Variants in PKIB observed in about 807,000 individuals in gnomAD.
The protein encoded by PKIB is cAMP-dependent protein kinase inhibitor beta, also known as PKI-beta.
Under a neutral mutation model 4.5 loss-of-function variants are expected in PKIB, and 2 were observed. The ratio of observed to expected loss-of-function variants is 0.44; its 90% CI spans 0.18 to 1.39. The LOEUF is 1.39. PKIB is among the 40% of genes most tolerant of loss of function. The pLI, the probability that PKIB is intolerant of heterozygous loss-of-function variation, is 0.27. For synonymous variants in PKIB, 38 were observed against 36.0 expected, an observed-to-expected ratio of 1.06 and a Z score of -0.20; for missense variants, 94 against 92.6, an observed-to-expected ratio of 1.02 and a Z score of -0.06.
chr6:122,586,939 G>A (rs1283785725), intron 3 of PKIB, among the ~76,000 whole-genome samples: 1 of 152,144 alleles, frequency 6.6e-6, no homozygotes, highest in Non-Finnish European at 1.5e-5. Flanking sequence ...GTAGGAGGGA[G>A]CGATAACTTC....
chr6:122,698,424 C>T lies in PKIB; in HGVS notation c.-8-19363C>T, dbSNP rs181451391. Among the ~76,000 whole-genome samples the T allele has an allele frequency of 5.6e-4, 86 of 152,246 alleles. 2 individuals are homozygous for T. The East Asian group carries it at 0.015, about 27-fold the overall frequency. ...ATGGGGGTGCTGCTCCAATGCATTA[C>T]CAGGCATTGCAGTAGCTGGGTACAG... is the stretch of plus-strand genomic sequence containing the variant. On this transcript the variant is annotated intron_variant, in intron 3 of 4. Transcript: ENST00000368452.
In PKIB at chr6:122,725,158, A is replaced by C. The variant is rs1307032408; in HGVS notation, c.200A>C (p.Gln67Pro). 1 of 1,612,022 alleles carries C rather than the reference A, an allele frequency of 6.2e-7. No individual in the cohort carries two copies. The highest frequency in any genetic ancestry group is 1.1e-5 in the South Asian group (1 of 90,782). Reference protein sequence around the residue: ...DAKEKDEKTTQDQLEKPQNEE... With the variant: ...DAKEKDEKTTPDQLEKPQNEE... The stretch of plus-strand genomic sequence containing the variant: ...AAAGAGAAAGATGAAAAAACAACAC[A>C]AGACCAATTGGAAAAGCCTCAAAAT... Residue 67 changes from glutamine (Q) to proline (P), a missense_variant, in exon 5 of 5, where the codon CAA (glutamine) becomes CCA (proline). Transcript: ENST00000368452.
chr6:122,644,254 A>G (rs1286710059), intron 2 of PKIB: 1 of 152,192 alleles, frequency 6.6e-6, no homozygotes, highest in African/African-American at 2.4e-5. Flanking sequence ...GGTCCACCAC[A>G]TAGAATTTCT....
Position 122,650,847 on chromosome 6 carries a change from C to T in PKIB, c.-76+17480C>T, listed in dbSNP as rs74538041. Among the ~76,000 whole-genome samples the T allele has an allele frequency of 2.0e-5, 3 of 152,280 alleles. No homozygotes were observed. The East Asian group carries it at 5.8e-4, about 29-fold the overall frequency. ...TACTATTTCGATCTCCCTCTCTAGC[C>T]TTTGGATAACTTCCTCTTCAGTGTA... On this transcript the variant is annotated intron_variant, in intron 2 of 4. Transcript: ENST00000368452.
intron 2 of PKIB, among the ~76,000 whole-genome samples, chr6:122,548,020 A>C (rs1772557632): frequency 6.6e-6 from 1 of 152,078 alleles, no homozygotes; most frequent in Non-Finnish European, 1.5e-5. Flanking sequence ...TATACACATA[A>C]ACTTTGGGTA....
intron 3 of PKIB, chr6:122,701,426 C>A: frequency 6.4e-7 from 1 of 1,562,010 alleles, no homozygotes; most frequent in South Asian, 1.2e-5. Context: ...ACTGTTTTCT[C>A]ATTGCATTTA....
intron 2 of PKIB, among the ~76,000 whole-genome samples, chr6:122,487,497 G>C (rs1321784578): frequency 6.6e-6 from 1 of 152,078 alleles, no homozygotes; most frequent in African/African-American, 2.4e-5. Context: ...GGTTGTTAGG[G>C]GACAGCCTTC....
chr6:122,718,197 C>T (rs1184873741), intron 4 of PKIB, among the ~76,000 whole-genome samples: 3 of 152,146 alleles, frequency 2.0e-5, no homozygotes. Flanking sequence ...TTATTCATTG[C>T]ATGTGTATAG....
chr6:122,633,640 A>G (rs1008945884), intron 2 of PKIB, among the ~76,000 whole-genome samples: 2 of 152,056 alleles, frequency 1.3e-5, no homozygotes, highest in Non-Finnish European at 2.9e-5. Flanking sequence ...TGATATTTCC[A>G]CTCTTAGCTG....
intron 3 of PKIB, among the ~76,000 whole-genome samples, chr6:122,601,784 G>A (rs1382249977): frequency 6.6e-6 from 1 of 152,100 alleles, no homozygotes; most frequent in East Asian, 1.9e-4. Flanking sequence ...ATACAAAACT[G>A]TGTTAATCAA....
At chr6:122,649,233 A>G (rs1212741993) in intron 2 of PKIB, among the ~76,000 whole-genome samples, 1 of 152,174 alleles carries the variant, frequency 6.6e-6, no homozygotes, top group Non-Finnish European at 1.5e-5. Flanking sequence ...ACCACAGCCC[A>G]TCAGTCAATA....
At chr6:122,494,628 C>T (rs1776026885) in intron 2 of PKIB, among the ~76,000 whole-genome samples, 1 of 152,108 alleles carries the variant, frequency 6.6e-6, no homozygotes, top group Admixed American at 6.5e-5. Flanking sequence ...TTGAAGATGG[C>T]AGACTTAGCA....
intron 2 of PKIB, among the ~76,000 whole-genome samples, chr6:122,665,710 C>G (rs1032473015): frequency 6.6e-6 from 1 of 151,930 alleles, no homozygotes; most frequent in East Asian, 1.9e-4. Flanking sequence ...GAAAAAAAAA[C>G]TGAAAATGCA....
chr6:122,679,587 G>C (rs1219562067), intron 3 of PKIB, among the ~76,000 whole-genome samples: 1 of 152,154 alleles, frequency 6.6e-6, no homozygotes, highest in African/African-American at 2.4e-5. Context: ...AACCTATTTA[G>C]AGACTAGAGT....
intron 2 of PKIB, among the ~76,000 whole-genome samples, chr6:122,656,398 T>C (rs1294557520): frequency 6.6e-6 from 1 of 152,198 alleles, no homozygotes; most frequent in African/African-American, 2.4e-5. Flanking sequence ...GAGAATTAAA[T>C]AAAATTTTTT....
At chr6:122,539,247 C>T (rs935139705) in intron 2 of PKIB, among the ~76,000 whole-genome samples, 1 of 152,000 alleles carries the variant, frequency 6.6e-6, no homozygotes, top group African/African-American at 2.4e-5. Context: ...AGAGGGCATC[C>T]CTGTCTTGTG....
Position 122,505,289 on chromosome 6 carries a change from A to G in PKIB, c.-248+27350A>G, listed in dbSNP as rs181071748. 4.1e-4 allele frequency among the ~76,000 whole-genome samples: 62 copies of G among 152,330 alleles called. 1 individual carries two copies. The highest frequency in any genetic ancestry group is 1.3e-3 in the African/African-American group (54 of 41,572). ...CTCTGAGCATGGGAACATGATGGCA[A>G]TTAGGAGGCTTTCCTCCTCAGAGGC... On this transcript the variant is annotated intron_variant, in intron 2 of 6. Transcript: ENST00000392491.
chr6:122,590,174 T>A (rs1773975342), intron 3 of PKIB, among the ~76,000 whole-genome samples: 1 of 152,184 alleles, frequency 6.6e-6, no homozygotes, highest in African/African-American at 2.4e-5. Context: ...CTGAGCCTGC[T>A]GCAGGCAAAC....
intron 2 of PKIB, chr6:122,480,626 C>A (rs1775586049): frequency 6.6e-6 from 1 of 152,124 alleles, no homozygotes; most frequent in African/African-American, 2.4e-5. Context: ...TATATGCCTA[C>A]AGTATTTACT....
Sources: gnomAD v4.1 joint callset for allele counts (sites outside exome capture counted in the v4.1 genomes callset) on GRCh38, gnomAD v4.1.1 for gene constraint, MANE v1.5 for transcripts, NCBI Gene and HGNC (gene_info 2026-07-23, HGNC 2026-07-21) for gene names.